Variants in DNAH11 observed in about 807,000 individuals in gnomAD.
DNAH11 encodes the protein axonemal beta dynein heavy chain 11.
In DNAH11, 442 loss-of-function variants were observed where a neutral mutation model predicts 526.0. The ratio of observed to expected loss-of-function variants is 0.84; its 90% CI spans 0.78 to 0.91. The LOEUF (loss-of-function observed/expected upper bound fraction) is 0.91, where lower values mean the gene tolerates loss of function less well. DNAH11 is among the 40% of genes least tolerant of loss of function. The probability of loss-of-function intolerance (pLI) is 0.00; values close to 1 mark genes in which losing one functional copy is unlikely to be tolerated. For missense variants in DNAH11, 6,989 were observed against 5,448.7 expected (o/e 1.28, Z -8.90); for synonymous variants, 2,461 against 1,935.9 (o/e 1.27, Z -7.12).
intron 57 of DNAH11, among the ~76,000 whole-genome samples, chr7:21,781,353 A>G (rs1297292992): frequency 6.6e-6 from 1 of 152,162 alleles, no homozygotes; most frequent in African/African-American, 2.4e-5. Flanking sequence ...TCAAATCTAT[A>G]AGGTAATCAA....
chr7:21,751,612 C>T (rs530510624), intron 54 of DNAH11, among the ~76,000 whole-genome samples: 36 of 152,192 alleles, frequency 2.4e-4, no homozygotes, highest in African/African-American at 7.2e-4. Flanking sequence ...TGGCAGGCTG[C>T]GGCGGCTATA....
intron 74 of DNAH11, among the ~76,000 whole-genome samples, chr7:21,877,019 C>A (rs1783740885): frequency 6.6e-6 from 1 of 152,152 alleles, no homozygotes; most frequent in African/African-American, 2.4e-5. Flanking sequence ...TTGGGGTGTT[C>A]TGTGTTGCTG....
intron 75 of DNAH11, among the ~76,000 whole-genome samples, 200 bp from the exon 76 acceptor site, chr7:21,884,091 C>G (rs1263791981): frequency 2.0e-5 from 3 of 152,202 alleles, no homozygotes; most frequent in African/African-American, 4.8e-5. Flanking sequence ...TGAATTTTCA[C>G]TGACTATATT....
chr7:21,702,798 A>G lies in DNAH11; in HGVS notation c.6269A>G (p.Asp2090Gly). ...CGAGGAGATAAAAATAGACCCGAAG[A>G]TCAGGTACTGCAATGCTAATATGAT... ...LKRGDKNRPE[D>G]QVLMRALRDF... The change falls in exon 37 of 82, where the codon GAT becomes GGT. Residue 2090 changes from aspartate to glycine, a missense_variant. Transcript: ENST00000409508. 6.2e-7 allele frequency: 1 copy of G among 1,612,404 alleles called. No individual in the cohort carries two copies. Among genetic ancestry groups the G allele is most frequent in the Non-Finnish European group, 8.5e-7 (1 of 1,178,994 alleles).
At chr7:21,582,938 C>G (rs1202245585) in intron 9 of DNAH11, among the ~76,000 whole-genome samples, 1 of 152,030 alleles carries the variant, frequency 6.6e-6, no homozygotes, top group Non-Finnish European at 1.5e-5. Flanking sequence ...TGGCCCCAGT[C>G]AAGCATTTTA....
At chr7:21,708,499 A>G (rs1445825982) in intron 40 of DNAH11, among the ~76,000 whole-genome samples, 1 of 152,124 alleles carries the variant, frequency 6.6e-6, no homozygotes, top group African/African-American at 2.4e-5. Flanking sequence ...CCTGCAGTTC[A>G]TTTGACCTAA....
intron 67 of DNAH11, among the ~76,000 whole-genome samples, chr7:21,853,155 A>C (rs1363814563): frequency 6.6e-6 from 1 of 152,186 alleles, no homozygotes; most frequent in Admixed American, 6.5e-5. Flanking sequence ...ATTTTTATTA[A>C]ATAGGCTTCC....
Position 21,601,024 on chromosome 7 carries a change from A to T in DNAH11, c.3270A>T (p.Glu1090Asp). ...EQFKEQIDIY[E>D]ALYVQMSKFE... ...TCTCACTACAGATTGACATTTATGA[A>T]GCTTTGTATGTTCAAATGAGCAAAT... Residue 1090 changes from glutamate to aspartate, a missense_variant, in exon 17 of 82, where the codon GAA (glutamate) becomes GAT (aspartate). Coordinates refer to ENST00000409508, the MANE Select transcript of DNAH11 (RefSeq NM_001277115.2). The T allele has an allele frequency of 6.2e-7, 1 of 1,611,094 alleles. No individual in the cohort carries two copies. The highest frequency in any genetic ancestry group is 1.1e-5 in the South Asian group (1 of 89,972).
chr7:21,825,165 C>T lies in DNAH11; in HGVS notation c.10691+6826C>T, dbSNP rs1042327670. Among the ~76,000 whole-genome samples, 7 of 152,116 alleles carry T rather than the reference C, an allele frequency of 4.6e-5. No individual in the cohort carries two copies. The South Asian group carries it at 1.2e-3, about 27-fold the overall frequency. ...AGATTACAGGCATGAGCCACCACAC[C>T]GGGTCTATTACTGTGATATTCAATG... On this transcript the variant is annotated intron_variant, in intron 65 of 81. Transcript: ENST00000409508.
Position 21,841,607 on chromosome 7 carries a change from T to C in DNAH11, c.10692-937T>C, listed in dbSNP as rs574313752. On this transcript the variant is annotated intron_variant, in intron 65 of 81. Coordinates refer to ENST00000409508, the MANE Select transcript of DNAH11 (RefSeq NM_001277115.2). ...TGGTCCCAGTGTGAGTGAGTGAGTG[T>C]GGGGGTGTGTGAGTGTCCCTGCCAT... Among the ~76,000 whole-genome samples, 3 of 149,008 alleles carry C rather than the reference T, an allele frequency of 2.0e-5. No individual in the cohort carries two copies. The South Asian group carries it at 6.2e-4, about 31-fold the overall frequency.
intron 28 of DNAH11, among the ~76,000 whole-genome samples, chr7:21,646,641 C>T (rs1178403880): frequency 1.3e-5 from 2 of 152,048 alleles, no homozygotes; most frequent in African/African-American, 2.4e-5. Context: ...TATCAGGTGC[C>T]CAGTGAGCTC....
At position 21,707,848 on chromosome 7, in the gene DNAH11, C is replaced by A. The variant is rs17145077; in HGVS notation, c.6683+13C>A. ...GGAAAGATGGCAAGTAGTATTTCCCCTTTAGAAGTGCTCAATTTTTTTTTT... is the reference window on the plus strand; with the variant it reads ...GGAAAGATGGCAAGTAGTATTTCCCATTTAGAAGTGCTCAATTTTTTTTTT... On this transcript the variant is annotated intron_variant, in intron 40 of 81. Coordinates refer to ENST00000409508, the MANE Select transcript of DNAH11 (RefSeq NM_001277115.2). 3 of 1,556,714 alleles carry A rather than the reference C, an allele frequency of 1.9e-6. No individual in the cohort carries two copies. The highest frequency in any genetic ancestry group is 1.4e-5 in the African/African-American group (1 of 72,266).
intron 14 of DNAH11, among the ~76,000 whole-genome samples, chr7:21,591,801 G>C (rs1300892089): frequency 1.3e-5 from 2 of 152,194 alleles, no homozygotes; most frequent in East Asian, 3.9e-4. Flanking sequence ...TGTGAGATGT[G>C]TTGATTAAAC....
rs776674478 is a variant in DNAH11, at chr7:21,591,300, C to G, written c.2390C>G (p.Thr797Arg). ...DELRAIDEQL[T>R]AATTWLTWQD... ...CTGAGGGCTATTGACGAGCAGCTGA[C>G]AGCAGCCACAACGTGGCTGACATGG... Residue 797 changes from threonine to arginine, a missense_variant, in exon 14 of 82, where the codon ACA becomes AGA. Physicochemically the swap from Thr to Arg is moderately conservative, Grantham distance 71. Transcript: ENST00000409508. The G allele has an allele frequency of 8.1e-6, 13 of 1,613,652 alleles. No homozygotes were observed. Among genetic ancestry groups the G allele is most frequent in the Non-Finnish European group, 8.5e-6 (10 of 1,179,716 alleles).
At chr7:21,895,075 T>C in intron 79 of DNAH11, 76 bp downstream of exon 79, 5 of 1,217,490 alleles carry the variant, frequency 4.1e-6, no homozygotes, top group Middle Eastern at 2.6e-4. Flanking sequence ...TAATGCTTCC[T>C]AAGAACTATG....
chr7:21,800,511 A>G (rs1788935967), intron 61 of DNAH11, among the ~76,000 whole-genome samples: 1 of 152,128 alleles, frequency 6.6e-6, no homozygotes, highest in African/African-American at 2.4e-5. Flanking sequence ...GCACACCTGT[A>G]ATCCCAGCTA....
chr7:21,652,284 C>G (rs1386126072), intron 28 of DNAH11, among the ~76,000 whole-genome samples: 2 of 152,152 alleles, frequency 1.3e-5, no homozygotes, highest in East Asian at 1.9e-4. Context: ...TAAAACAAAC[C>G]TCCCAAACAA....
chr7:21,601,715 A>G (rs148159401), intron 18 of DNAH11, 97 bp downstream of exon 18: 55 of 895,378 alleles, frequency 6.1e-5, no homozygotes, highest in Admixed American at 9.3e-5. Context: ...CCTTATAACA[A>G]TCTATACTGT....
intron 27 of DNAH11, 90 bp downstream of exon 27, chr7:21,637,792 G>C (rs951602482): frequency 1.1e-5 from 8 of 723,242 alleles, no homozygotes; most frequent in Admixed American, 7.2e-5. Context: ...CTGTGTTATG[G>C]AGGTGCAACC....
Sources: gnomAD v4.1 joint callset for allele counts (sites outside exome capture counted in the v4.1 genomes callset) on GRCh38, gnomAD v4.1.1 for gene constraint, MANE v1.5 for transcripts, NCBI Gene and HGNC (gene_info 2026-07-23, HGNC 2026-07-21) for gene names.